The following CBLB variants were observed in gnomAD, a reference collection of about 807,000 sequenced individuals.
CBLB encodes the protein E3 ubiquitin-protein ligase CBL-B.
CBLB carries 31 observed loss-of-function variants against 104.9 expected under a neutral mutation model. That is an observed-to-expected ratio of 0.30 (90% CI 0.22 to 0.40). The LOEUF (loss-of-function observed/expected upper bound fraction) is 0.40. Among genes scored for constraint, CBLB ranks in the 10% least tolerant of loss-of-function variants. CBLB has a pLI of 1.00. For synonymous variants in CBLB, 440 were observed against 422.6 expected (o/e 1.04, Z -0.51); for missense variants, 1,062 against 1,214.6 (o/e 0.87, Z 1.87).
At chr3:105,737,000 C>A (rs956811150) in intron 8 of CBLB, among the ~76,000 whole-genome samples, 171 bp downstream of exon 8, 1 of 151,968 alleles carries the variant, frequency 6.6e-6, no homozygotes, top group Non-Finnish European at 1.5e-5. Flanking sequence ...AAATTTGTAT[C>A]AAAAAATCTA....
At chr3:105,680,156 T>C (rs1051007478) in intron 16 of CBLB, among the ~76,000 whole-genome samples, 1 of 152,180 alleles carries the variant, frequency 6.6e-6, no homozygotes. Flanking sequence ...ACAAGTGGTA[T>C]TCAGTGAAGT....
chr3:105,769,357 C>G (rs115289697), intron 4 of CBLB, among the ~76,000 whole-genome samples: 1 of 151,988 alleles, frequency 6.6e-6, no homozygotes, highest in Non-Finnish European at 1.5e-5. Context: ...TTCCAGGAAA[C>G]GTGTCAGGCT....
rs1354030686 is a variant in CBLB, at chr3:105,740,535, C to T, written c.942G>A (p.Lys314=). The change falls in exon 7 of 19, where the codon AAG becomes AAA. Residue 314 remains lysine (K), a synonymous_variant. Transcript: ENST00000394030. Reference sequence around the variant, plus strand: ...CATCAATCAGGGCTTGAAATAAGGGCTTGTTATGAGGTATGGTCTGTAAGA... The same window carrying T: ...CATCAATCAGGGCTTGAAATAAGGGTTTGTTATGAGGTATGGTCTGTAAGA... ...GNILQTIPHN[K]PLFQALIDGS... 1 of 1,614,028 alleles carries T rather than the reference C, an allele frequency of 6.2e-7. No individual in the cohort carries two copies. Among genetic ancestry groups the T allele is most frequent in the Admixed American group, 1.7e-5 (1 of 60,016 alleles).
chr3:105,714,070 T>C (rs1221902708), intron 10 of CBLB, among the ~76,000 whole-genome samples: 1 of 152,238 alleles, frequency 6.6e-6, no homozygotes, highest in East Asian at 1.9e-4. Flanking sequence ...TCTGTTGTAA[T>C]TTTTGATCTT....
intron 18 of CBLB, among the ~76,000 whole-genome samples, chr3:105,665,083 C>G (rs146798442): frequency 1.6e-4 from 25 of 152,242 alleles, no homozygotes; most frequent in African/African-American, 6.0e-4. Flanking sequence ...TTATGTCTTT[C>G]TTTCTTCTAT....
intron 7 of CBLB, 110 bp downstream of exon 7, chr3:105,740,384 A>T: frequency 9.6e-7 from 1 of 1,046,664 alleles, no homozygotes; most frequent in Non-Finnish European, 1.5e-6. Context: ...ATTATTTCTC[A>T]GTCTTAACAT....
intron 3 of CBLB, among the ~76,000 whole-genome samples, chr3:105,808,086 T>C (rs1331302488): frequency 6.6e-6 from 1 of 152,206 alleles, no homozygotes; most frequent in East Asian, 1.9e-4. Context: ...TTTGGCCAGC[T>C]TAACTATTTA....
intron 3 of CBLB, among the ~76,000 whole-genome samples, chr3:105,789,953 G>T (rs2081454437): frequency 6.6e-6 from 1 of 152,048 alleles, no homozygotes; most frequent in African/African-American, 2.4e-5. Flanking sequence ...ATACTTTTAA[G>T]AAGATATTTA....
chr3:105,776,302 C>A (rs908112589), intron 4 of CBLB, 94 bp downstream of exon 4: 2 of 1,125,030 alleles, frequency 1.8e-6, no homozygotes, highest in East Asian at 4.8e-5. Context: ...ATTCACAAAA[C>A]ACTCAAGTAA....
intron 9 of CBLB, among the ~76,000 whole-genome samples, chr3:105,729,459 T>A (rs2074060932): frequency 6.6e-6 from 1 of 152,098 alleles, no homozygotes; most frequent in Admixed American, 6.6e-5. Flanking sequence ...AAATAACAAA[T>A]TCTTCCTGTG....
chr3:105,718,937 T>C (rs3772531), intron 10 of CBLB, among the ~76,000 whole-genome samples: 38,948 of 152,120 alleles, frequency 0.26, 5,198 homozygotes, highest in Non-Finnish European at 0.28. Flanking sequence ...TTCTGGTCTG[T>C]AAATTAATCA....
intron 3 of CBLB, among the ~76,000 whole-genome samples, chr3:105,798,853 A>T (rs1266716288): frequency 6.6e-6 from 1 of 152,200 alleles, no homozygotes; most frequent in African/African-American, 2.4e-5. Context: ...TGCCTGCCTT[A>T]TATGTGTGTG....
chr3:105,853,195 T>C (rs2091181706), intron 3 of CBLB, among the ~76,000 whole-genome samples: 2 of 152,212 alleles, frequency 1.3e-5, no homozygotes, highest in South Asian at 2.1e-4. Flanking sequence ...TAATACCATC[T>C]AGCTCTGTGT....
At chr3:105,780,172 A>C (rs1352200383) in intron 3 of CBLB, among the ~76,000 whole-genome samples, 1 of 152,152 alleles carries the variant, frequency 6.6e-6, no homozygotes, top group African/African-American at 2.4e-5. Context: ...TTTAAAAAAA[A>C]AAAAACTTTC....
Position 105,755,504 on chromosome 3 carries a change from T to TA in CBLB, c.567-3887_567-3886insT, listed in dbSNP as rs1560101883. Reference sequence around the variant, plus strand: ...GAAAGTGTGAGGAGAATGATTTCTTTTAAAAAAAAAAAGGTAAAATATTTT... The same window carrying TA: ...GAAAGTGTGAGGAGAATGATTTCTTTATAAAAAAAAAAAGGTAAAATATTTT... On this transcript the variant is annotated intron_variant, in intron 4 of 18. Transcript: ENST00000394030. 3.0e-3 allele frequency among the ~76,000 whole-genome samples: 21 copies of TA among 6,918 alleles called. No individual in the cohort carries two copies. The East Asian group carries it at 0.075, about 25-fold the overall frequency. 4.5% of individuals were successfully genotyped at this position (6,918 alleles called of 152,430 possible).
At chr3:105,831,996 A>T (rs2087602708) in intron 3 of CBLB, among the ~76,000 whole-genome samples, 1 of 152,212 alleles carries the variant, frequency 6.6e-6, no homozygotes, top group South Asian at 2.1e-4. Context: ...TGCTAGTCAA[A>T]GTAGTTTCAG....
chr3:105,772,635 T>C (rs947110104), intron 4 of CBLB, among the ~76,000 whole-genome samples: 10 of 152,102 alleles, frequency 6.6e-5, no homozygotes, highest in Non-Finnish European at 1.3e-4. Context: ...CGGACTAGTA[T>C]CTAGAATCTA....
At chr3:105,672,007 C>T (rs1027506178) in intron 17 of CBLB, 8 of 190,466 alleles carry the variant, frequency 4.2e-5, no homozygotes, top group Non-Finnish European at 8.8e-5. Context: ...TGAAATTTCC[C>T]AAAGATTTTG....
At chr3:105,836,747 G>A (rs781488736) in intron 3 of CBLB, among the ~76,000 whole-genome samples, 2 of 152,048 alleles carry the variant, frequency 1.3e-5, no homozygotes, top group South Asian at 2.1e-4. Context: ...TTGGTCTAGT[G>A]AGTCAAAACA....
Sources: allele counts gnomAD v4.1 joint callset (sites outside exome capture counted in the v4.1 genomes callset), GRCh38; gene constraint gnomAD v4.1.1; transcripts MANE v1.5; gene names NCBI Gene and HGNC (gene_info 2026-07-23, HGNC 2026-07-21).